PEBP4: variants seen among roughly 807,000 people sequenced by gnomAD.
PEBP4 encodes the protein phosphatidylethanolamine binding protein 4.
Under a neutral mutation model 23.9 loss-of-function variants are expected in PEBP4, and 22 were observed. The ratio of observed to expected loss-of-function variants is 0.92; its 90% confidence interval spans 0.66 to 1.31. The LOEUF (loss-of-function observed/expected upper bound fraction) is 1.31. Among genes scored for constraint, PEBP4 ranks in the 40% most tolerant of loss-of-function variants. The pLI is 0.00. For synonymous variants in PEBP4, 112 were observed against 99.3 expected, an observed-to-expected ratio of 1.13 and a Z score of -0.76; for missense variants, 324 against 281.7, an observed-to-expected ratio of 1.15 and a Z score of -1.07.
At chr8:22,874,201 T>TAGTGGAAAGGGAAAGA (rs1404846614) in intron 3 of PEBP4, among the ~76,000 whole-genome samples, 2 of 151,818 alleles carry the variant, frequency 1.3e-5, no homozygotes, top group African/African-American at 4.8e-5. Flanking sequence ...AAGGTTAGAA[T>TAGTGGAAAGGGAAAGA]AGTGGAAAGG....
At chr8:22,931,675 C>G (rs1424979038), upstream of PEBP4, among the ~76,000 whole-genome samples, 1 of 152,156 alleles carries the variant, frequency 6.6e-6, no homozygotes, top group Non-Finnish European at 1.5e-5. Context: ...CCTCCGCCTC[C>G]TAGGTTCAAG....
intron 4 of PEBP4, among the ~76,000 whole-genome samples, chr8:22,785,358 G>A (rs10112300): frequency 0.014 from 2,180 of 152,208 alleles, 45 homozygotes; most frequent in African/African-American, 0.048. Flanking sequence ...TGGGAATCTG[G>A]CCCAAGTGCC....
intron 3 of PEBP4, among the ~76,000 whole-genome samples, chr8:22,854,947 T>C (rs1807609460): frequency 6.6e-6 from 1 of 150,700 alleles, no homozygotes; most frequent in Non-Finnish European, 1.5e-5. Flanking sequence ...TGTGTGTGTG[T>C]GTGTGTGTGC....
chr8:22,720,968 T>A (rs942889606), intron 6 of PEBP4, among the ~76,000 whole-genome samples: 1 of 152,054 alleles, frequency 6.6e-6, no homozygotes, highest in East Asian at 1.9e-4. Flanking sequence ...ATGCCAGGCG[T>A]GGTTTGAAAG....
At chr8:22,864,055 C>G (rs1807833326) in intron 3 of PEBP4, among the ~76,000 whole-genome samples, 1 of 152,208 alleles carries the variant, frequency 6.6e-6, no homozygotes, top group Non-Finnish European at 1.5e-5. Flanking sequence ...CAGATCATCT[C>G]CAGCCCCGCC....
intron 1 of PEBP4, among the ~76,000 whole-genome samples, chr8:22,939,205 G>C (rs1482995139): frequency 6.6e-6 from 1 of 152,150 alleles, no homozygotes; most frequent in Non-Finnish European, 1.5e-5. Context: ...AGAATGGAGT[G>C]AAATATTTTA....
intron 4 of PEBP4, among the ~76,000 whole-genome samples, chr8:22,774,457 G>T (rs1038207081): frequency 1.3e-5 from 2 of 152,230 alleles, no homozygotes; most frequent in African/African-American, 4.8e-5. Flanking sequence ...GGATGTCACA[G>T]TACTCTTCAG....
chr8:22,927,278 A>T (rs560817504), intron 2 of PEBP4, among the ~76,000 whole-genome samples: 23 of 152,064 alleles, frequency 1.5e-4, no homozygotes, highest in African/African-American at 5.5e-4. Context: ...TCTCTCTCTG[A>T]GGGTCTCAGC....
intron 3 of PEBP4, among the ~76,000 whole-genome samples, chr8:22,867,091 C>T (rs1279893777): frequency 2.6e-5 from 4 of 152,142 alleles, no homozygotes; most frequent in South Asian, 2.1e-4. Context: ...GGAAGCCCCT[C>T]GGGTAGAGAA....
At chr8:22,926,180 G>C (rs1357482819) in intron 2 of PEBP4, among the ~76,000 whole-genome samples, 1 of 151,932 alleles carries the variant, frequency 6.6e-6, no homozygotes, top group Non-Finnish European at 1.5e-5. Context: ...GTTTCACCGT[G>C]TTGGTCAGGC....
intron 4 of PEBP4, among the ~76,000 whole-genome samples, chr8:22,792,418 C>A (rs755171945): frequency 1.3e-5 from 2 of 152,028 alleles, no homozygotes; most frequent in Admixed American, 6.6e-5. Context: ...TTGGTGGGCC[C>A]CCTGCTTTGT....
chr8:22,873,147 C>T (rs1312475783), intron 3 of PEBP4, among the ~76,000 whole-genome samples: 5 of 152,176 alleles, frequency 3.3e-5, no homozygotes, highest in Non-Finnish European at 2.9e-5. Context: ...GGAGAATCTC[C>T]CGAAGCTGGT....
At position 22,798,229 on chromosome 8, in the gene PEBP4, C is replaced by G. The variant is rs577566249; in HGVS notation, c.357+19408G>C. Among the ~76,000 whole-genome samples, 23 of 152,284 alleles carry G rather than the reference C, an allele frequency of 1.5e-4. 1 individual carries two copies. The highest frequency in any genetic ancestry group is 1.2e-4 in the Non-Finnish European group (8 of 68,024). Reference sequence around the variant, plus strand: ...TTTATGATGCTTTCACATCCTGGAGCCTTGCTAATTCTGGAGAGAATGCTC... The same window carrying G: ...TTTATGATGCTTTCACATCCTGGAGGCTTGCTAATTCTGGAGAGAATGCTC... On this transcript the variant is annotated intron_variant, in intron 4 of 6. Coordinates refer to ENST00000256404, the MANE Select transcript of PEBP4 (RefSeq NM_144962.3).
intron 4 of PEBP4, among the ~76,000 whole-genome samples, chr8:22,791,191 G>A (rs1190856067): frequency 6.6e-6 from 1 of 152,096 alleles, no homozygotes; most frequent in East Asian, 1.9e-4. Flanking sequence ...GGGTGCAAGG[G>A]GAAGGGGCTG....
intron 4 of PEBP4, among the ~76,000 whole-genome samples, chr8:22,729,129 G>A (rs1341630322): frequency 6.6e-6 from 1 of 152,238 alleles, no homozygotes; most frequent in African/African-American, 2.4e-5. Context: ...GGCCTGACAA[G>A]GATAAGGGAT....
At chr8:22,759,268 G>T (rs2128752795) in intron 4 of PEBP4, among the ~76,000 whole-genome samples, 1 of 152,194 alleles carries the variant, frequency 6.6e-6, no homozygotes, top group African/African-American at 2.4e-5. Context: ...GAGGCCCAGG[G>T]CTTTGCCAAG....
At chr8:22,927,546 C>G in intron 2 of PEBP4, 38 bp downstream of exon 2, 1 of 1,591,478 alleles carries the variant, frequency 6.3e-7, no homozygotes. Flanking sequence ...TGCCTGGTAG[C>G]CTCTGTGCCT....
upstream of PEBP4, among the ~76,000 whole-genome samples, chr8:22,928,681 G>T (rs1204329957): frequency 6.6e-6 from 1 of 152,152 alleles, no homozygotes; most frequent in African/African-American, 2.4e-5. Flanking sequence ...CAGAGGCGGG[G>T]GTGGGAGAGA....
At chr8:22,812,828 T>C (rs1806658913) in intron 4 of PEBP4, among the ~76,000 whole-genome samples, 1 of 152,236 alleles carries the variant, frequency 6.6e-6, no homozygotes, top group Admixed American at 6.5e-5. Flanking sequence ...GGCACAAGGA[T>C]ACACGTGCCG....
Sources: allele counts gnomAD v4.1 joint callset (sites outside exome capture counted in the v4.1 genomes callset), GRCh38; gene constraint gnomAD v4.1.1; transcripts MANE v1.5; gene names NCBI Gene and HGNC (gene_info 2026-07-23, HGNC 2026-07-21).